The following POLQ variants were observed in gnomAD, a reference collection of about 807,000 sequenced individuals.
POLQ encodes DNA polymerase theta, also known as epididymis secretory sperm binding protein.
In POLQ, 233 loss-of-function variants were observed where a neutral mutation model predicts 259.2. The observed-to-expected ratio is 0.90, with a 90% confidence interval of 0.81 to 1.00. The LOEUF (loss-of-function observed/expected upper bound fraction) is 1.00. Ranked by LOEUF, POLQ falls within the 50% of genes least tolerant of loss-of-function variation. The probability of loss-of-function intolerance (pLI) is 0.00; values close to 1 mark genes in which losing one functional copy is unlikely to be tolerated. For missense variants in POLQ, 2,871 were observed against 3,051.6 expected, an observed-to-expected ratio of 0.94 and a Z score of 1.39; for synonymous variants, 1,025 against 1,048.8, an observed-to-expected ratio of 0.98 and a Z score of 0.44.
intron 19 of POLQ, among the ~76,000 whole-genome samples, chr3:121,481,117 C>T (rs1237377356): frequency 6.6e-6 from 1 of 152,120 alleles, no homozygotes; most frequent in African/African-American, 2.4e-5. Context: ...TTAATAGTTC[C>T]AAAAAGAAAA....
chr3:121,462,964 G>A (rs778647679), intron 24 of POLQ, among the ~76,000 whole-genome samples: 18 of 152,226 alleles, frequency 1.2e-4, no homozygotes, highest in South Asian at 2.1e-4. Flanking sequence ...CATAACGTCC[G>A]CATACTAGCA....
chr3:121,545,648 C>T lies in POLQ; in HGVS notation c.163+67G>A. ...CGAAGCAAGTCCCGTGGGGTGAGGA[C>T]ACCTCCCGACCCATGGCCCGGCGGA... On this transcript the variant is annotated intron_variant, in intron 1 of 29. Transcript: ENST00000264233. The T allele has an allele frequency of 3.5e-6, 5 of 1,434,504 alleles. No individual in the cohort carries two copies. In the South Asian group the frequency reaches 5.4e-5, roughly 16 times the overall value. 88.9% of individuals were successfully genotyped at this position (1,434,504 alleles called of 1,614,324 possible). A position where few individuals can be genotyped will look rare whatever the true frequency, so the allele number is the denominator to read the frequency against.
intron 26 of POLQ, among the ~76,000 whole-genome samples, chr3:121,448,556 G>A (rs2047648508): frequency 6.6e-6 from 1 of 151,706 alleles, no homozygotes. Flanking sequence ...TAGTAGAGAT[G>A]GGGTTTCACC....
chr3:121,525,003 A>G (rs2048362485), intron 7 of POLQ, among the ~76,000 whole-genome samples: 1 of 152,060 alleles, frequency 6.6e-6, no homozygotes, highest in Non-Finnish European at 1.5e-5. Flanking sequence ...GGAGTTAGAA[A>G]CACAGAAACC....
chr3:121,506,755 T>C (rs376114491), intron 12 of POLQ, among the ~76,000 whole-genome samples: 5 of 152,190 alleles, frequency 3.3e-5, no homozygotes, highest in African/African-American at 9.6e-5. Context: ...TACATTTCAG[T>C]CTTTCCTAAA....
intron 25 of POLQ, among the ~76,000 whole-genome samples, chr3:121,454,751 C>T (rs987828961): frequency 1.3e-5 from 2 of 152,128 alleles, no homozygotes; most frequent in Non-Finnish European, 2.9e-5. Context: ...GAGTGACCTT[C>T]AAGAGACTTA....
chr3:121,459,783 G>A (rs2047776255), intron 25 of POLQ, among the ~76,000 whole-genome samples: 1 of 152,104 alleles, frequency 6.6e-6, no homozygotes, highest in African/African-American at 2.4e-5. Flanking sequence ...TGAGTACCAG[G>A]CACTGTGACT....
rs778585995 is a variant in POLQ at position 121,509,539 on chromosome 3, T to C, written c.1959+22A>G. The C allele has an allele frequency of 1.9e-6, 3 of 1,589,190 alleles. 1 individual carries two copies. In the South Asian group the frequency reaches 3.4e-5, roughly 18 times the overall value. ...TTTTTTCTCCCTATTTTCACAAACATAATTGTTAAAACAGAACTTACCAGA... is the reference window on the plus strand; with the variant it reads ...TTTTTTCTCCCTATTTTCACAAACACAATTGTTAAAACAGAACTTACCAGA... On this transcript the variant is annotated intron_variant, in intron 12 of 29. Transcript: ENST00000264233.
chr3:121,446,214 G>A (rs1399908868), intron 26 of POLQ, among the ~76,000 whole-genome samples: 4 of 151,874 alleles, frequency 2.6e-5, no homozygotes, highest in Admixed American at 1.3e-4. Context: ...TCACTCAAGA[G>A]CATATTGTTT....
At chr3:121,511,401 A>T (rs1237845758) in intron 10 of POLQ, among the ~76,000 whole-genome samples, 1 of 152,058 alleles carries the variant, frequency 6.6e-6, no homozygotes, top group Non-Finnish European at 1.5e-5. Context: ...CATCTCAAAA[A>T]CAAAGAAAGA....
intron 10 of POLQ, among the ~76,000 whole-genome samples, chr3:121,511,043 C>A (rs968065473): frequency 6.6e-6 from 1 of 152,002 alleles, no homozygotes; most frequent in African/African-American, 2.4e-5. Flanking sequence ...CTGGCTAACA[C>A]GGTGAAACCC....
chr3:121,513,675 C>A (rs140965472), intron 9 of POLQ, among the ~76,000 whole-genome samples: 1,850 of 151,228 alleles, frequency 0.012, 18 homozygotes, highest in Non-Finnish European at 0.019. Context: ...CTTTACTACC[C>A]CCCTCCCCAG....
chr3:121,529,672 A>G lies in POLQ; in HGVS notation c.1081T>C (p.Phe361Leu). Reference protein sequence around the residue: ...EKLADIIAREFYNLHHQAEGL... With the variant: ...EKLADIIARELYNLHHQAEGL... ...TCAGCTTGATGATGTAGATTATAAA[A>G]CTCTCGAGCAATGATATCTGCCAGC... Residue 361 changes from phenylalanine (F) to leucine (L), a missense_variant, in exon 7 of 30, where the codon TTT becomes CTT. Phe to Leu is a conservative substitution (Grantham distance 22). This residue lies in a region of POLQ where 783 missense variants were observed against 906.2 expected (regional missense o/e 0.86). Transcript: ENST00000264233. 1 of 1,613,428 alleles carries G rather than the reference A, an allele frequency of 6.2e-7. No individual in the cohort carries two copies. The highest frequency in any genetic ancestry group is 8.5e-7 in the Non-Finnish European group (1 of 1,179,772).
In POLQ at chr3:121,496,284, C is replaced by T. The variant is rs2048123320; in HGVS notation, c.2278+524G>A. On this transcript the variant is annotated intron_variant, in intron 14 of 29. Coordinates refer to ENST00000264233, the MANE Select transcript of POLQ (RefSeq NM_199420.4). ...CTCTGCCTCCCGGGTTCAAGCAATT[C>T]TCTGCCTCAGCCTCCCCAGTAGCTG... 6.0e-5 allele frequency among the ~76,000 whole-genome samples: 9 copies of T among 150,958 alleles called. No individual in the cohort carries two copies. The Admixed American group carries it at 6.0e-4, about 10-fold the overall frequency.
At chr3:121,438,501 T>A (rs2047562779) in intron 27 of POLQ, among the ~76,000 whole-genome samples, 1 of 152,214 alleles carries the variant, frequency 6.6e-6, no homozygotes, top group South Asian at 2.1e-4. Flanking sequence ...TCCTAGGTTC[T>A]AGCTGGCTCC....
intron 16 of POLQ, 89 bp from the exon 17 acceptor site, chr3:121,485,273 C>CAAAGATAGGT: frequency 7.2e-6 from 6 of 834,828 alleles, no homozygotes; most frequent in Non-Finnish European, 1.1e-5. Context: ...AAAAACCTAT[C>CAAAGATAGGT]TTTGATAGGC....
chr3:121,494,800 T>C (rs1053172760), intron 14 of POLQ: 1 of 1,495,246 alleles, frequency 6.7e-7, no homozygotes, highest in Non-Finnish European at 9.2e-7. Flanking sequence ...ACAGATAGGA[T>C]GAGACCCACC....
chr3:121,500,618 T>C (rs527972157), intron 12 of POLQ, among the ~76,000 whole-genome samples: 6 of 152,080 alleles, frequency 3.9e-5, no homozygotes, highest in Non-Finnish European at 7.4e-5. Flanking sequence ...GCATAATGAG[T>C]ACCAGGAGAA....
chr3:121,449,619 T>C (rs954799408), intron 25 of POLQ, among the ~76,000 whole-genome samples, 193 bp from the exon 26 acceptor site: 2 of 152,194 alleles, frequency 1.3e-5, no homozygotes, highest in Non-Finnish European at 2.9e-5. Flanking sequence ...GCATTACTTT[T>C]TGAGAGAGAG....
Sources: allele counts gnomAD v4.1 joint callset (sites outside exome capture counted in the v4.1 genomes callset), GRCh38; gene constraint gnomAD v4.1.1; regional missense constraint gnomAD v4.1.1; transcripts MANE v1.5; gene names NCBI Gene and HGNC (gene_info 2026-07-23, HGNC 2026-07-21).